EHMT2: variants seen among roughly 807,000 people sequenced by gnomAD.
EHMT2 encodes histone-lysine N-methyltransferase EHMT2.
In EHMT2, 59 loss-of-function variants were observed where a neutral mutation model predicts 143.3. The observed-to-expected ratio is 0.41, with a 90% confidence interval of 0.33 to 0.51. EHMT2 has a LOEUF of 0.51. Ranked by LOEUF, EHMT2 falls within the 20% of genes least tolerant of loss-of-function variation. The pLI is 0.18. For synonymous variants in EHMT2, 604 were observed against 651.5 expected (o/e 0.93, Z 1.11); for missense variants, 1,174 against 1,645.9 (o/e 0.71, Z 4.96).
chr6:31,890,313 A>C (rs948662643), intron 7 of EHMT2, among the ~76,000 whole-genome samples: 2 of 151,996 alleles, frequency 1.3e-5, no homozygotes, highest in African/African-American at 4.8e-5. Flanking sequence ...CTGCATTGCA[A>C]TGGTGTGATC....
In EHMT2 at chr6:31,888,559, T is replaced by C; in HGVS notation, c.1365+40A>G. ...AGAGCGTGAGGCTGGGGCCGGGGAC[T>C]GGACGCCCTGGCACCTCTCCCACCA... On this transcript the variant is annotated intron_variant, in intron 11 of 27. Coordinates refer to ENST00000375537, the Ensembl canonical transcript of EHMT2. This position sits in a 1 kb window ranked among gnomAD's most constrained non-coding sequence, Gnocchi z 7.4. 6.2e-7 allele frequency: 1 copy of C among 1,609,494 alleles called. No homozygotes were observed. Among genetic ancestry groups the C allele is most frequent in the Non-Finnish European group, 8.5e-7 (1 of 1,178,588 alleles).
In EHMT2 at chr6:31,880,410, T is replaced by C. The variant is rs537127004; in HGVS notation, c.3453-146A>G. On this transcript the variant is annotated intron_variant, in intron 27 of 27. Transcript: ENST00000375537. This position sits in a 1 kb window ranked among gnomAD's most constrained non-coding sequence, Gnocchi z 6.6. Reference sequence around the variant, plus strand: ...GGATCTGAGCCCCTTGTATGTTCTATGGACTTTCAGCATCAGCATTGCCTG... The same window carrying C: ...GGATCTGAGCCCCTTGTATGTTCTACGGACTTTCAGCATCAGCATTGCCTG... 12 of 985,090 alleles carry C rather than the reference T, an allele frequency of 1.2e-5. No homozygotes were observed. In the Admixed American group the frequency reaches 1.4e-4, roughly 11 times the overall value. The allele number at this position is 985,090 out of a possible 1,614,324, so 61.0% of individuals were successfully genotyped here.
intron 4 of EHMT2, chr6:31,895,457 T>C (rs1766281182): frequency 6.6e-6 from 1 of 152,148 alleles, no homozygotes; most frequent in African/African-American, 2.4e-5. Flanking sequence ...GTCAGCCTGT[T>C]TTTTTTCAAT....
chr6:31,894,873 G>A (rs542384399), intron 4 of EHMT2, among the ~76,000 whole-genome samples: 16 of 151,564 alleles, frequency 1.1e-4, no homozygotes, highest in African/African-American at 3.6e-4. Flanking sequence ...GGCTGGTCTC[G>A]AACTCCTGAC....
At chr6:31,890,286 T>A (rs1416276728) in intron 7 of EHMT2, among the ~76,000 whole-genome samples, 2 of 152,166 alleles carry the variant, frequency 1.3e-5, no homozygotes, top group African/African-American at 4.8e-5. Context: ...TATTGAGTTT[T>A]GCTCTTGTTG....
Position 31,883,579 on chromosome 6 carries a change from G to T in EHMT2, c.2917-140C>A. On this transcript the variant is annotated intron_variant, in intron 22 of 27. Coordinates refer to ENST00000375537, the Ensembl canonical transcript of EHMT2. The surrounding 1 kb of genome is among the most constrained non-coding windows in gnomAD (Gnocchi z 5.6). ...CAGTGGGTGGTGATGGTCCTAGGGT[G>T]ACGGGTAATCAGTATGGTGGTGTCC... 9.8e-7 allele frequency: 1 copy of T among 1,015,846 alleles called. No individual in the cohort carries two copies. The highest frequency in any genetic ancestry group is 1.5e-6 in the Non-Finnish European group (1 of 673,304). 62.9% of individuals were successfully genotyped at this position (1,015,846 alleles called of 1,614,324 possible). A position where few individuals can be genotyped will look rare whatever the true frequency, so the allele number is the denominator to read the frequency against.
rs1014754272 is a variant in EHMT2, at chr6:31,892,595, A to T, written c.709-33T>A. 6 of 1,612,662 alleles carry T rather than the reference A, an allele frequency of 3.7e-6. No individual in the cohort carries two copies. The African/African-American group carries it at 6.7e-5, about 18-fold the overall frequency. ...AAGATCAGAAAAATTGAGGCCACTG[A>T]CACCCTGCGCATTTCTACTGAGGAT... On this transcript the variant is annotated intron_variant, in intron 6 of 27. Transcript: ENST00000375537.
intron 18 of EHMT2, chr6:31,885,294 G>A (rs913220729): frequency 4.3e-5 from 15 of 346,210 alleles, no homozygotes; most frequent in African/African-American, 6.3e-5. Context: ...TGGCCAACAC[G>A]GTGAAACCCT....
intron 18 of EHMT2, chr6:31,886,350 C>A (rs1352785992): frequency 3.6e-6 from 2 of 557,118 alleles, no homozygotes; most frequent in Non-Finnish European, 6.3e-6. Context: ...AAAAGCCTCA[C>A]TGGACACTTT....
At chr6:31,885,717 G>A (rs1764749474) in intron 18 of EHMT2, 1 of 152,090 alleles carries the variant, frequency 6.6e-6, no homozygotes. Flanking sequence ...GACATAGCAA[G>A]ACCCTGTCTC....
intron 4 of EHMT2, chr6:31,895,511 G>T (rs1325764072): frequency 6.7e-6 from 1 of 149,800 alleles, no homozygotes; most frequent in Non-Finnish European, 1.5e-5. Context: ...AAACCTACTT[G>T]TGGGCTGGTT....
At chr6:31,885,549 T>C (rs927469686) in intron 18 of EHMT2, 5 of 152,634 alleles carry the variant, frequency 3.3e-5, no homozygotes, top group Non-Finnish European at 5.8e-5. Flanking sequence ...GTAATTGTTC[T>C]CTTTCCAAAA....
At chr6:31,896,660 C>T in exon 3 of EHMT2, 1 of 1,599,118 alleles carries the variant, frequency 6.3e-7, no homozygotes, top group Non-Finnish European at 8.5e-7. Context: ...TTCTCAGATT[C>T]ATCCCCAATG....
chr6:31,884,318 G>A lies in EHMT2; in HGVS notation c.2771+74C>T. On this transcript the variant is annotated intron_variant, in intron 21 of 27. Transcript: ENST00000375537. The surrounding 1 kb of genome is among the most constrained non-coding windows in gnomAD (Gnocchi z 7.3). ...GGGAGGGGTTGGGGAATGTTGTGAG[G>A]ATGCAATGGAGCCTGGGGAGGGTAT... The A allele has an allele frequency of 2.0e-6, 3 of 1,502,634 alleles. No individual in the cohort carries two copies. The South Asian group carries it at 3.7e-5, about 19-fold the overall frequency. The allele number at this position is 1,502,634 out of a possible 1,614,324, so 93.1% of individuals were successfully genotyped here. A position where few individuals can be genotyped will look rare whatever the true frequency, so the allele number is the denominator to read the frequency against.
chr6:31,885,056 C>T (rs754904796), intron 18 of EHMT2, 40 bp from the exon 19 acceptor site: 1 of 1,572,010 alleles, frequency 6.4e-7, no homozygotes, highest in Non-Finnish European at 8.7e-7. Context: ...GCAGCTGGCC[C>T]TGCTCACCAA....
intron 7 of EHMT2, among the ~76,000 whole-genome samples, chr6:31,892,098 C>T (rs9501158): frequency 0.014 from 2,106 of 152,134 alleles, 24 homozygotes; most frequent in Middle Eastern, 0.075. Context: ...AAAAATTAGC[C>T]GGGCGTGGTG....
At position 31,884,681 on chromosome 6, in the gene EHMT2, T is replaced by G. The variant is rs1257755961; in HGVS notation, c.2567A>C (p.His856Pro). The change falls in exon 20 of 28, where the codon CAC (histidine) becomes CCC (proline). Residue 856 changes from histidine (H) to proline (P), a missense_variant. Physicochemically the swap from His to Pro is moderately conservative, Grantham distance 77. This residue lies in a region of EHMT2 where 608 missense variants were observed against 903.7 expected (regional missense o/e 0.67). Coordinates refer to ENST00000375537, the Ensembl canonical transcript of EHMT2. The surrounding 1 kb of genome is among the most constrained non-coding windows in gnomAD (Gnocchi z 7.3). ...ATGGTAGCTCTCCCGAGCTGCGATG[T>G]GCAGGGGGGTGTCCCCATGGTAGTT... 1 of 1,582,510 alleles carries G rather than the reference T, an allele frequency of 6.3e-7. No homozygotes were observed. The highest frequency in any genetic ancestry group is 8.6e-7 in the Non-Finnish European group (1 of 1,160,778).
Position 31,880,970 on chromosome 6 carries a change from G to A in EHMT2, c.3276+44C>T. On this transcript the variant is annotated intron_variant, in intron 26 of 27. Transcript: ENST00000375537. The surrounding 1 kb of genome is among the most constrained non-coding windows in gnomAD (Gnocchi z 6.6). ...GCTGACTTCCCAGAGGCTCCTGAAA[G>A]CCAGCCCTGGGGAGCAGCAGGGTAA... The A allele has an allele frequency of 6.2e-7, 1 of 1,610,266 alleles. No individual in the cohort carries two copies. The highest frequency in any genetic ancestry group is 2.2e-5 in the East Asian group (1 of 44,872).
chr6:31,887,174 C>T (rs963925627), intron 15 of EHMT2, 73 bp from the exon 16 acceptor site: 28 of 1,325,802 alleles, frequency 2.1e-5, no homozygotes, highest in Non-Finnish European at 2.9e-5. Flanking sequence ...GGTGGCACTT[C>T]TTTCAGGAAG....
Sources: gnomAD v4.1 joint callset for allele counts (sites outside exome capture counted in the v4.1 genomes callset) on GRCh38, gnomAD v4.1.1 for gene constraint, gnomAD v4.1.1 regional missense constraint, Gnocchi (gnomAD v3.1) non-coding constraint, MANE v1.5 for transcripts, NCBI Gene and HGNC (gene_info 2026-07-23, HGNC 2026-07-21) for gene names.